HACD2: variants seen among roughly 807,000 people sequenced by gnomAD.
HACD2 encodes the protein very-long-chain (3R)-3-hydroxyacyl-CoA dehydratase 2.
A neutral mutation model predicts 31.0 loss-of-function variants in HACD2; 15 were observed. That is an observed-to-expected ratio of 0.48 (90% CI 0.32 to 0.75). The LOEUF (loss-of-function observed/expected upper bound fraction) is 0.75. Ranked by LOEUF, HACD2 falls within the 30% of genes least tolerant of loss-of-function variation. The pLI is 0.03. For synonymous variants in HACD2, 115 were observed against 122.2 expected (o/e 0.94, Z 0.39); for missense variants, 283 against 313.0 (o/e 0.90, Z 0.72).
rs2056311332 is a variant in HACD2, at chr3:123,528,399, T to C, written c.368A>G (p.His123Arg). The change falls in exon 4 of 7, where the codon CAT becomes CGT. Residue 123 changes from histidine to arginine, a missense_variant. This residue lies in a region of HACD2 where 85 missense variants were observed against 129.6 expected (regional missense o/e 0.66). Transcript: ENST00000383657. Reference sequence around the variant, plus strand: ...ATAAACACTTACCTCTTTGACGCTATGTGTTACTGCCCATATTAGAAAAAC... The same window carrying C: ...ATAAACACTTACCTCTTTGACGCTACGTGTTACTGCCCATATTAGAAAAAC... ...SRVFLIWAVT[H>R]SVKEVQSEDS... 1.2e-6 allele frequency: 2 copies of C among 1,603,452 alleles called. No homozygotes were observed. Among genetic ancestry groups the C allele is most frequent in the Non-Finnish European group, 1.7e-6 (2 of 1,170,454 alleles).
intron 4 of HACD2, among the ~76,000 whole-genome samples, chr3:123,503,525 A>C (rs972283623): frequency 2.0e-5 from 3 of 152,004 alleles, no homozygotes; most frequent in Non-Finnish European, 2.9e-5. Flanking sequence ...AAAACAATAA[A>C]GGTTTAAAAG....
Position 123,560,320 on chromosome 3 carries a change from G to A in HACD2, c.292+7442C>T, listed in dbSNP as rs941754758. ...AATATGACCACTTATGGTCTTGACC[G>A]TTAGAGCTCCATTGTCAGGATGCTG... On this transcript the variant is annotated intron_variant, in intron 3 of 6. Transcript: ENST00000383657. Among the ~76,000 whole-genome samples the A allele has an allele frequency of 3.3e-5, 5 of 152,158 alleles. No individual in the cohort carries two copies. In the South Asian group the frequency reaches 6.2e-4, roughly 19 times the overall value.
intron 4 of HACD2, among the ~76,000 whole-genome samples, chr3:123,520,199 T>A (rs2056195719): frequency 6.6e-6 from 1 of 152,210 alleles, no homozygotes; most frequent in Non-Finnish European, 1.5e-5. Flanking sequence ...AGGATTTTTA[T>A]GACAATTTAA....
intron 2 of HACD2, among the ~76,000 whole-genome samples, chr3:123,579,768 T>C (rs3109650): frequency 0.28 from 42,482 of 152,038 alleles, 7,438 homozygotes; most frequent in East Asian, 0.6. Context: ...CTGGCCAAGG[T>C]TCTGAAAGAG....
chr3:123,572,833 T>C (rs1439608155), intron 2 of HACD2, among the ~76,000 whole-genome samples: 1 of 152,202 alleles, frequency 6.6e-6, no homozygotes, highest in Admixed American at 6.5e-5. Context: ...GCCCATGGAC[T>C]TAATGTGATT....
intron 3 of HACD2, among the ~76,000 whole-genome samples, chr3:123,555,846 T>C (rs1290961740): frequency 6.6e-6 from 1 of 152,176 alleles, no homozygotes; most frequent in Admixed American, 6.5e-5. Flanking sequence ...ATCCTGGTAT[T>C]GGCAAAATAA....
intron 6 of HACD2, among the ~76,000 whole-genome samples, 177 bp from the exon 7 acceptor site, chr3:123,495,147 T>C (rs112776022): frequency 1.4e-3 from 212 of 152,348 alleles, no homozygotes; most frequent in African/African-American, 4.8e-3. Flanking sequence ...ACTTACCTCC[T>C]TTCTTTTCCT....
intron 4 of HACD2, among the ~76,000 whole-genome samples, chr3:123,524,950 G>A (rs2056260424): frequency 6.6e-6 from 1 of 152,186 alleles, no homozygotes; most frequent in Admixed American, 6.5e-5. Context: ...CCTATCTCAA[G>A]GCATGGTTGT....
At chr3:123,571,387 G>A (rs2056854578) in intron 2 of HACD2, among the ~76,000 whole-genome samples, 2 of 152,180 alleles carry the variant, frequency 1.3e-5, no homozygotes, top group Non-Finnish European at 2.9e-5. Flanking sequence ...TTATGTGGGT[G>A]GACCAGACCC....
chr3:123,494,443 T>A lies in HACD2; in HGVS notation c.*445A>T, dbSNP rs2055808111. ...AAAATACAAAGTTTCCAGCATGCAGTCAAGCACTTTGACAAGGGAATGCTA... is the reference window on the plus strand; with the variant it reads ...AAAATACAAAGTTTCCAGCATGCAGACAAGCACTTTGACAAGGGAATGCTA... On this transcript the variant is annotated 3_prime_UTR_variant, in exon 7 of 7. Coordinates refer to ENST00000383657, the MANE Select transcript of HACD2 (RefSeq NM_198402.5). 1 of 190,262 alleles carries A rather than the reference T, an allele frequency of 5.3e-6. No individual in the cohort carries two copies. The highest frequency in any genetic ancestry group is 1.1e-4 in the South Asian group (1 of 9,018). 11.8% of individuals were successfully genotyped at this position (190,262 alleles called of 1,614,324 possible).
intron 3 of HACD2, among the ~76,000 whole-genome samples, chr3:123,547,777 A>G (rs1341516737): frequency 1.3e-5 from 2 of 152,174 alleles, no homozygotes; most frequent in Non-Finnish European, 2.9e-5. Context: ...TCAAACGACA[A>G]TAACGATACT....
rs2055796463 is a variant in HACD2, at chr3:123,493,743, G to A, written c.*1145C>T. ...TGTCGGTAGTACCAAACTATTTCTT[G>A]GCTGCTCCAACATGCGGAGATGACA... On this transcript the variant is annotated 3_prime_UTR_variant, in exon 7 of 7. Coordinates refer to ENST00000383657, the MANE Select transcript of HACD2 (RefSeq NM_198402.5). 6.6e-6 allele frequency: 1 copy of A among 152,134 alleles called. No homozygotes were observed. The highest frequency in any genetic ancestry group is 2.4e-5 in the African/African-American group (1 of 41,412). The allele number at this position is 152,134 out of a possible 1,614,324, so 9.4% of individuals were successfully genotyped here.
intron 3 of HACD2, among the ~76,000 whole-genome samples, chr3:123,542,100 T>A (rs1271254263): frequency 9.3e-5 from 10 of 107,480 alleles, no homozygotes; most frequent in Non-Finnish European, 1.3e-4. Flanking sequence ...TGAGCCGAGA[T>A]CCCGCCACTG....
At chr3:123,543,664 G>GA (rs903066681) in intron 3 of HACD2, 92 of 414,918 alleles carry the variant, frequency 2.2e-4, no homozygotes, top group East Asian at 4.5e-4. Flanking sequence ...TATATTAAAG[G>GA]AAAAAAAACT....
intron 3 of HACD2, among the ~76,000 whole-genome samples, chr3:123,530,862 TTTGTTG>T (rs201195496): frequency 1.3e-5 from 2 of 151,934 alleles, no homozygotes; most frequent in East Asian, 2.0e-4. Context: ...AAAGTAACTT[TTTGTTG>T]TTGTTGTTGT....
chr3:123,528,412 A>AT lies in HACD2; in HGVS notation c.354dup (p.Trp119MetfsTer6), dbSNP rs1473177268. 6.2e-7 allele frequency: 1 copy of AT among 1,611,472 alleles called. No individual in the cohort carries two copies. Among genetic ancestry groups the AT allele is most frequent in the Non-Finnish European group, 8.5e-7 (1 of 1,177,692 alleles). On this transcript the variant is annotated frameshift_variant, in exon 4 of 7. Transcript: ENST00000383657. LOFTEE classifies it high-confidence loss of function. ...TCTTTGACGCTATGTGTTACTGCCCATATTAGAAAAACTCTTGACATCACC... is the reference window on the plus strand; with the variant it reads ...TCTTTGACGCTATGTGTTACTGCCCATTATTAGAAAAACTCTTGACATCACC...
At chr3:123,504,944 C>T (rs1439563239) in intron 4 of HACD2, among the ~76,000 whole-genome samples, 1 of 152,184 alleles carries the variant, frequency 6.6e-6, no homozygotes, top group Non-Finnish European at 1.5e-5. Flanking sequence ...TTTGTACACT[C>T]ATGTTTATAG....
intron 4 of HACD2, among the ~76,000 whole-genome samples, chr3:123,521,600 C>CAA (rs550514768): frequency 1.8e-4 from 21 of 118,432 alleles, no homozygotes; most frequent in East Asian, 2.7e-4. Flanking sequence ...GTGAGAGAGC[C>CAA]AAAAAAAAAA....
At chr3:123,508,902 G>A (rs984901267) in intron 4 of HACD2, among the ~76,000 whole-genome samples, 3 of 152,122 alleles carry the variant, frequency 2.0e-5, no homozygotes, top group Middle Eastern at 3.2e-3. Flanking sequence ...ACTTGCAGAT[G>A]GCCACCTTCT....
Sources: allele counts gnomAD v4.1 joint callset (sites outside exome capture counted in the v4.1 genomes callset), GRCh38; gene constraint gnomAD v4.1.1; regional missense constraint gnomAD v4.1.1; transcripts MANE v1.5; gene names NCBI Gene and HGNC (gene_info 2026-07-23, HGNC 2026-07-21).